Variants in AUTS2 observed in about 807,000 individuals in gnomAD.
The protein encoded by AUTS2 is autism susceptibility gene 2 protein.
A neutral mutation model predicts 112.4 loss-of-function variants in AUTS2; 17 were observed. That is an observed-to-expected ratio of 0.15 (90% CI 0.10 to 0.23). AUTS2 has a LOEUF of 0.23. AUTS2 is among the 10% of genes least tolerant of loss of function. The pLI is 1.00. For synonymous variants in AUTS2, 751 were observed against 702.7 expected, an observed-to-expected ratio of 1.07 and a Z score of -1.09; for missense variants, 1,510 against 1,701.6, an observed-to-expected ratio of 0.89 and a Z score of 1.98.
intron 1 of AUTS2, among the ~76,000 whole-genome samples, chr7:69,613,524 A>AT (rs1448695282): frequency 2.0e-5 from 3 of 152,240 alleles, no homozygotes; most frequent in Admixed American, 6.5e-5. Context: ...GGCTGATGAT[A>AT]TAGAGGGTTA....
At chr7:70,379,108 C>T (rs907207788) in intron 4 of AUTS2, among the ~76,000 whole-genome samples, 24 of 152,016 alleles carry the variant, frequency 1.6e-4, no homozygotes, top group African/African-American at 4.3e-4. Context: ...TACCTGTAGT[C>T]ACTTTGGGAT....
At chr7:70,187,272 T>G (rs1432790443) in intron 4 of AUTS2, among the ~76,000 whole-genome samples, 1 of 152,216 alleles carries the variant, frequency 6.6e-6, no homozygotes, top group East Asian at 1.9e-4. Flanking sequence ...TATGGTGGTG[T>G]TTAGGATAAG....
chr7:70,425,004 G>A (rs1795374413), intron 4 of AUTS2, among the ~76,000 whole-genome samples: 1 of 152,148 alleles, frequency 6.6e-6, no homozygotes, highest in African/African-American at 2.4e-5. Flanking sequence ...CAACAACCAG[G>A]CTTTTCCAAA....
At chr7:70,704,387 A>G (rs1036755401) in intron 6 of AUTS2, among the ~76,000 whole-genome samples, 24 of 152,138 alleles carry the variant, frequency 1.6e-4, no homozygotes, top group African/African-American at 5.8e-4. Flanking sequence ...AACCCATTCC[A>G]TTCTTTTAGT....
At chr7:70,022,878 G>T (rs781447663) in intron 2 of AUTS2, among the ~76,000 whole-genome samples, 3 of 151,686 alleles carry the variant, frequency 2.0e-5, no homozygotes, top group African/African-American at 4.8e-5. Context: ...TTTAAATAAG[G>T]TCTTGCTTTC....
chr7:70,268,694 A>G (rs1329648561), intron 4 of AUTS2, among the ~76,000 whole-genome samples: 2 of 152,240 alleles, frequency 1.3e-5, no homozygotes, highest in African/African-American at 4.8e-5. Context: ...TCCTTAGAGA[A>G]AAGTTATAGT....
intron 1 of AUTS2, among the ~76,000 whole-genome samples, chr7:69,881,571 T>C (rs1794046170): frequency 6.6e-6 from 1 of 152,202 alleles, no homozygotes; most frequent in African/African-American, 2.4e-5. Flanking sequence ...TTTCAGGACT[T>C]CTTTTTGCCT....
At chr7:69,886,353 T>C (rs1279532416) in intron 1 of AUTS2, among the ~76,000 whole-genome samples, 1 of 152,232 alleles carries the variant, frequency 6.6e-6, no homozygotes, top group African/African-American at 2.4e-5. Flanking sequence ...AATTATTCCT[T>C]TAGTAGTAAT....
chr7:69,920,486 A>G (rs554597450), intron 2 of AUTS2, among the ~76,000 whole-genome samples: 3 of 151,914 alleles, frequency 2.0e-5, no homozygotes, highest in East Asian at 1.9e-4. Context: ...GGGTTTTTCC[A>G]TGTTTCCCAG....
intron 4 of AUTS2, chr7:70,290,741 G>A: frequency 9.8e-7 from 1 of 1,021,824 alleles, no homozygotes; most frequent in Non-Finnish European, 1.3e-6. Context: ...TTGGCATTAA[G>A]CTATGACTGT....
At chr7:69,603,083 G>A (rs1039341977) in intron 1 of AUTS2, among the ~76,000 whole-genome samples, 2 of 152,158 alleles carry the variant, frequency 1.3e-5, no homozygotes, top group East Asian at 1.9e-4. Context: ...TCCTAAATAC[G>A]TAGTATGTTT....
intron 2 of AUTS2, among the ~76,000 whole-genome samples, chr7:69,931,219 C>T (rs150449443): frequency 2.0e-3 from 304 of 152,202 alleles, no homozygotes; most frequent in Non-Finnish European, 3.5e-3. Context: ...ATTCTTACAT[C>T]TCCAGAACCT....
chr7:70,387,023 T>G (rs1793642419), intron 4 of AUTS2, among the ~76,000 whole-genome samples: 1 of 152,186 alleles, frequency 6.6e-6, no homozygotes, highest in African/African-American at 2.4e-5. Context: ...TTCTAGAACC[T>G]GGCTTTGGAC....
At chr7:70,658,149 C>T (rs896576719) in intron 5 of AUTS2, among the ~76,000 whole-genome samples, 3 of 152,180 alleles carry the variant, frequency 2.0e-5, no homozygotes, top group Non-Finnish European at 2.9e-5. Context: ...GACAGTTGAA[C>T]GCCAAGCCTA....
chr7:69,828,594 G>A (rs530483102), intron 1 of AUTS2, among the ~76,000 whole-genome samples: 24 of 152,264 alleles, frequency 1.6e-4, no homozygotes, highest in African/African-American at 5.5e-4. Context: ...TATTATAACT[G>A]ATAACTATCT....
intron 4 of AUTS2, among the ~76,000 whole-genome samples, chr7:70,231,785 T>C (rs1562806129): frequency 6.7e-6 from 1 of 149,990 alleles, no homozygotes; most frequent in Admixed American, 6.7e-5. Flanking sequence ...TGTTTTGTTT[T>C]TTTTCTTGAG....
At chr7:70,188,126 A>G (rs535916028) in intron 4 of AUTS2, among the ~76,000 whole-genome samples, 1 of 152,320 alleles carries the variant, frequency 6.6e-6, no homozygotes, top group South Asian at 2.1e-4. Flanking sequence ...ACAATTATTG[A>G]GTGCCTTTGA....
At chr7:70,042,655 T>G (rs1203614288) in intron 2 of AUTS2, among the ~76,000 whole-genome samples, 2 of 152,222 alleles carry the variant, frequency 1.3e-5, no homozygotes, top group African/African-American at 4.8e-5. Flanking sequence ...TTTAGTTCTA[T>G]TTCACAATCT....
chr7:70,612,127 C>T (rs1032126557), intron 5 of AUTS2, among the ~76,000 whole-genome samples: 1 of 152,264 alleles, frequency 6.6e-6, no homozygotes, highest in Non-Finnish European at 1.5e-5. Context: ...TTATTAGCTG[C>T]TAATAGATTT....
Sources: gnomAD v4.1 joint callset for allele counts (sites outside exome capture counted in the v4.1 genomes callset) on GRCh38, gnomAD v4.1.1 for gene constraint, MANE v1.5 for transcripts, NCBI Gene and HGNC (gene_info 2026-07-23, HGNC 2026-07-21) for gene names.